EEFSEC: variants seen among roughly 807,000 people sequenced by gnomAD.
EEFSEC encodes selenocysteine-specific elongation factor.
A neutral mutation model predicts 42.1 loss-of-function variants in EEFSEC; 43 were observed. The observed-to-expected ratio is 1.02, with a 90% CI of 0.80 to 1.32. The LOEUF (loss-of-function observed/expected upper bound fraction) is 1.32, where lower values mean the gene tolerates loss of function less well. EEFSEC is among the 40% of genes most tolerant of loss of function. EEFSEC has a pLI of 0.00. For missense variants in EEFSEC, 745 were observed against 803.6 expected (o/e 0.93, Z 0.88); for synonymous variants, 354 against 339.1 (o/e 1.04, Z -0.48).
At chr3:128,321,125 G>A (rs541852175) in intron 4 of EEFSEC, among the ~76,000 whole-genome samples, 27 of 152,288 alleles carry the variant, frequency 1.8e-4, no homozygotes, top group Non-Finnish European at 3.7e-4. Context: ...GAGAGGCAGT[G>A]GAGCTTCAGA....
At chr3:128,403,372 C>T (rs2068070866) in intron 6 of EEFSEC, among the ~76,000 whole-genome samples, 1 of 152,164 alleles carries the variant, frequency 6.6e-6, no homozygotes, top group Admixed American at 6.5e-5. Context: ...CAGAGCAGCC[C>T]CCAGTGCAGG....
chr3:128,382,409 G>T (rs2067787069), intron 6 of EEFSEC, among the ~76,000 whole-genome samples: 1 of 152,184 alleles, frequency 6.6e-6, no homozygotes, highest in Non-Finnish European at 1.5e-5. Context: ...AGCTGTGTGG[G>T]CTCGGCTCCA....
intron 4 of EEFSEC, among the ~76,000 whole-genome samples, chr3:128,292,824 C>T (rs915745154): frequency 2.7e-5 from 4 of 150,654 alleles, no homozygotes; most frequent in African/African-American, 9.8e-5. Flanking sequence ...TTATTATTTC[C>T]TTTTTTCTAC....
At chr3:128,380,246 A>T (rs1462280528) in intron 6 of EEFSEC, among the ~76,000 whole-genome samples, 1 of 152,234 alleles carries the variant, frequency 6.6e-6, no homozygotes, top group Non-Finnish European at 1.5e-5. Flanking sequence ...AGCACACCTG[A>T]GGCTTTTATA....
chr3:128,172,638 C>T (rs551373646), intron 1 of EEFSEC, among the ~76,000 whole-genome samples: 3 of 152,240 alleles, frequency 2.0e-5, no homozygotes, highest in South Asian at 2.1e-4. Context: ...TGACCCCTGA[C>T]GAATTATAAG....
intron 1 of EEFSEC, among the ~76,000 whole-genome samples, chr3:128,159,234 A>T (rs1944436317): frequency 6.6e-6 from 1 of 152,210 alleles, no homozygotes; most frequent in Non-Finnish European, 1.5e-5. Flanking sequence ...TATTTCTCAG[A>T]TGAGGAAACC....
chr3:128,363,079 A>G (rs1156532941), intron 6 of EEFSEC, among the ~76,000 whole-genome samples: 1 of 152,190 alleles, frequency 6.6e-6, no homozygotes. Flanking sequence ...AGGAGGAGAA[A>G]CAGCCCCCAA....
chr3:128,201,906 A>AT (rs35034346), intron 1 of EEFSEC, among the ~76,000 whole-genome samples: 3 of 152,088 alleles, frequency 2.0e-5, no homozygotes, highest in African/African-American at 7.2e-5. Context: ...GTCAAAGTAG[A>AT]TTTTTTTCCG....
chr3:128,399,184 CATG>C (rs1185465450), intron 6 of EEFSEC, among the ~76,000 whole-genome samples: 2 of 152,222 alleles, frequency 1.3e-5, no homozygotes, highest in Non-Finnish European at 2.9e-5. Flanking sequence ...GCTTTGACTG[CATG>C]ATAATTTCAA....
intron 4 of EEFSEC, among the ~76,000 whole-genome samples, chr3:128,333,334 G>A (rs2067154386): frequency 6.6e-6 from 1 of 152,228 alleles, no homozygotes; most frequent in Admixed American, 6.5e-5. Context: ...AAAGTTTGTT[G>A]TGATGGTGTG....
At chr3:128,359,671 C>T (rs891354165) in intron 6 of EEFSEC, among the ~76,000 whole-genome samples, 3 of 152,196 alleles carry the variant, frequency 2.0e-5, no homozygotes, top group African/African-American at 7.2e-5. Context: ...GAAGATTTTA[C>T]AGGGAACACC....
intron 6 of EEFSEC, among the ~76,000 whole-genome samples, chr3:128,407,592 C>A (rs2068132608): frequency 6.6e-6 from 1 of 152,192 alleles, no homozygotes; most frequent in Non-Finnish European, 1.5e-5. Flanking sequence ...GATACACACC[C>A]TGACTGCCCT....
At chr3:128,247,076 A>C (rs377251295) in intron 2 of EEFSEC, 33 bp downstream of exon 2, 3 of 1,606,308 alleles carry the variant, frequency 1.9e-6, no homozygotes, top group South Asian at 1.1e-5. Context: ...TGTTCACTGC[A>C]TAAGAAGGCT....
At chr3:128,413,890 G>A in the EEFSEC span, among the ~76,000 whole-genome samples, 2 of 152,242 alleles carry the variant, frequency 1.3e-5, no homozygotes, top group African/African-American at 4.8e-5. Flanking sequence ...CCCGTTGGCA[G>A]GGCCAGTCCT....
At chr3:128,262,678 G>C (rs922570675) in intron 3 of EEFSEC, among the ~76,000 whole-genome samples, 1 of 152,206 alleles carries the variant, frequency 6.6e-6, no homozygotes, top group Non-Finnish European at 1.5e-5. Context: ...GGGCAATGCA[G>C]CTTCCATCCT....
At position 128,401,582 on chromosome 3, in the gene EEFSEC, T is replaced by C. The variant is rs116245523; in HGVS notation, c.1601-6487T>C. On this transcript the variant is annotated intron_variant, in intron 6 of 6. Transcript: ENST00000254730. ...GGAACCACACATTCCAAGGCCCTGC[T>C]TGGCTTCTTATAGCTGAAGCATGGT... 3.9e-3 allele frequency among the ~76,000 whole-genome samples: 596 copies of C among 152,226 alleles called. 7 individuals are homozygous for C. The highest frequency in any genetic ancestry group is 0.013 in the African/African-American group (553 of 41,552).
At chr3:128,292,960 T>C (rs1308757917) in intron 4 of EEFSEC, among the ~76,000 whole-genome samples, 1 of 152,250 alleles carries the variant, frequency 6.6e-6, no homozygotes, top group Non-Finnish European at 1.5e-5. Flanking sequence ...GCTTTAGCTT[T>C]ATTTCAATGA....
intron 4 of EEFSEC, among the ~76,000 whole-genome samples, chr3:128,316,806 C>T (rs1276976174): frequency 6.6e-6 from 1 of 152,202 alleles, no homozygotes. Flanking sequence ...ATCATTTTCC[C>T]CTCCCATGAC....
At chr3:128,312,052 C>A (rs2066895940) in intron 4 of EEFSEC, among the ~76,000 whole-genome samples, 1 of 152,192 alleles carries the variant, frequency 6.6e-6, no homozygotes, top group South Asian at 2.1e-4. Context: ...CCTGAATTCA[C>A]ATGAGGGATA....
Sources: gnomAD v4.1 joint callset for allele counts (sites outside exome capture counted in the v4.1 genomes callset) on GRCh38, gnomAD v4.1.1 for gene constraint, MANE v1.5 for transcripts, NCBI Gene and HGNC (gene_info 2026-07-23, HGNC 2026-07-21) for gene names.